ZFP14: variants seen among roughly 807,000 people sequenced by gnomAD.
ZFP14 encodes zinc finger protein 14 homolog.
ZFP14 carries 22 observed loss-of-function variants against 54.5 expected under a neutral mutation model. That is an observed-to-expected ratio of 0.40 (90% CI 0.29 to 0.58). ZFP14 has a LOEUF of 0.58. ZFP14 is among the 20% of genes least tolerant of loss of function. ZFP14 has a pLI of 0.39. For missense variants in ZFP14, 470 were observed against 637.8 expected (o/e 0.74, Z 2.83); for synonymous variants, 159 against 204.0 (o/e 0.78, Z 1.88).
At chr19:36,363,074 C>T (rs557498180) in intron 2 of ZFP14, among the ~76,000 whole-genome samples, 5 of 151,916 alleles carry the variant, frequency 3.3e-5, no homozygotes, top group Non-Finnish European at 5.9e-5. Context: ...TTGCTTGTCA[C>T]TATCTATCAT....
chr19:36,348,295 G>A (rs1429446525), intron 4 of ZFP14, among the ~76,000 whole-genome samples: 1 of 152,108 alleles, frequency 6.6e-6, no homozygotes, highest in Non-Finnish European at 1.5e-5. Context: ...TACTTGGGTC[G>A]ATACTTCTGT....
intron 2 of ZFP14, 93 bp downstream of exon 2, chr19:36,367,791 G>T: frequency 6.9e-7 from 1 of 1,449,526 alleles, no homozygotes; most frequent in Non-Finnish European, 9.4e-7. Context: ...ATGAAGCTCT[G>T]GTAAGCAGGA....
intron 4 of ZFP14, among the ~76,000 whole-genome samples, chr19:36,354,972 C>T (rs765959280): frequency 2.1e-5 from 3 of 142,790 alleles, no homozygotes; most frequent in Non-Finnish European, 3.1e-5. Context: ...GCGCCTGGCC[C>T]TTCTTACTTT....
At chr19:36,375,404 T>A (rs1294833479) in intron 1 of ZFP14, among the ~76,000 whole-genome samples, 1 of 150,492 alleles carries the variant, frequency 6.6e-6, no homozygotes, top group African/African-American at 2.5e-5. Flanking sequence ...TTTTTTTTTT[T>A]TGAGACAAGG....
rs991433226 is a variant in ZFP14 at position 36,335,782 on chromosome 19, T to A, written c.*4442A>T. On this transcript the variant is annotated 3_prime_UTR_variant, in exon 5 of 5. Transcript: ENST00000270001. ...CAGGTTCTCACTCTGTCACCCAGGC[T>A]GGAGTGCAGTGGCGTGATCTTGGTT... 1 of 152,202 alleles carries A rather than the reference T, an allele frequency of 6.6e-6. No homozygotes were observed. The highest frequency in any genetic ancestry group is 2.4e-5 in the African/African-American group (1 of 41,448). 9.4% of individuals were successfully genotyped at this position (152,202 alleles called of 1,614,324 possible). A position where few individuals can be genotyped will look rare whatever the true frequency, so the allele number is the denominator to read the frequency against.
At chr19:36,375,513 G>A (rs546732587) in intron 1 of ZFP14, among the ~76,000 whole-genome samples, 3 of 150,490 alleles carry the variant, frequency 2.0e-5, no homozygotes, top group East Asian at 2.0e-4. Flanking sequence ...TCAGCCTCCC[G>A]AGTAGCTGGG....
At position 36,336,701 on chromosome 19, in the gene ZFP14, T is replaced by G. The variant is rs1327409105; in HGVS notation, c.*3523A>C. ...GACTGTATCCACAAATAAGATTTCC[T>G]TACCACATTACAGGGCATTAATTTG... On this transcript the variant is annotated 3_prime_UTR_variant, in exon 5 of 5. Transcript: ENST00000270001. 4 of 152,228 alleles carry G rather than the reference T, an allele frequency of 2.6e-5. No homozygotes were observed. The highest frequency in any genetic ancestry group is 5.9e-5 in the Non-Finnish European group (4 of 68,036). The allele number at this position is 152,228 out of a possible 1,614,324, so 9.4% of individuals were successfully genotyped here. A position where few individuals can be genotyped will look rare whatever the true frequency, so the allele number is the denominator to read the frequency against.
intron 3 of ZFP14, among the ~76,000 whole-genome samples, chr19:36,361,731 T>C (rs1338009400): frequency 1.3e-5 from 2 of 152,214 alleles, no homozygotes; most frequent in Non-Finnish European, 2.9e-5. Context: ...TGGATCCATC[T>C]CACACTATGT....
At chr19:36,376,472 G>A (rs2031964102) in intron 1 of ZFP14, among the ~76,000 whole-genome samples, 1 of 150,660 alleles carries the variant, frequency 6.6e-6, no homozygotes, top group Non-Finnish European at 1.5e-5. Context: ...TTTGAACCTG[G>A]GGCGGGTGGC....
At chr19:36,356,425 CAAA>C (rs552341004) in intron 4 of ZFP14, among the ~76,000 whole-genome samples, 2 of 117,000 alleles carry the variant, frequency 1.7e-5, no homozygotes, top group Non-Finnish European at 1.8e-5. Flanking sequence ...GAGACTGTCT[CAAA>C]AAAAAAAAAA....
rs550769997 is a variant in ZFP14, at chr19:36,362,096, G to C, written c.136+16C>G. The C allele has an allele frequency of 9.5e-6, 15 of 1,580,216 alleles. No homozygotes were observed. In the South Asian group the frequency reaches 1.5e-4, roughly 16 times the overall value. On this transcript the variant is annotated intron_variant, in intron 3 of 4. Coordinates refer to ENST00000270001, the MANE Select transcript of ZFP14 (RefSeq NM_020917.3). Reference sequence around the variant, plus strand: ...CAGCAGAGAAAGCTAATATCATTTGGGATAAATAACCTTACCTAGTGAAAT... The same window carrying C: ...CAGCAGAGAAAGCTAATATCATTTGCGATAAATAACCTTACCTAGTGAAAT...
rs753205621 is a variant in ZFP14 at position 36,341,108 on chromosome 19, G to A, written c.718C>T (p.Leu240Phe). ...CKECGKAFTVLQELTQHQRLH... is the reference protein window; with the variant it reads ...CKECGKAFTVFQELTQHQRLH... The stretch of plus-strand genomic sequence containing the variant: ...CTCTGATGTTGAGTAAGTTCTTGGA[G>A]CACTGTAAAGGCCTTCCCACACTCC... Residue 240 changes from leucine (L) to phenylalanine (F), a missense_variant, in exon 5 of 5, where the codon CTC becomes TTC. By Grantham distance (22) the Leu-to-Phe change is conservative. Transcript: ENST00000270001. The surrounding 1 kb of genome is among the most constrained non-coding windows in gnomAD (Gnocchi z 4.2). 1 of 1,612,514 alleles carries A rather than the reference G, an allele frequency of 6.2e-7. No individual in the cohort carries two copies. Among genetic ancestry groups the A allele is most frequent in the Admixed American group, 1.7e-5 (1 of 59,898 alleles).
intron 3 of ZFP14, among the ~76,000 whole-genome samples, chr19:36,361,029 T>C (rs1395166914): frequency 2.6e-5 from 4 of 152,234 alleles, no homozygotes; most frequent in Non-Finnish European, 5.9e-5. Flanking sequence ...TATATGGTGA[T>C]GTTTATTAAC....
At chr19:36,356,727 T>C (rs903500637) in intron 4 of ZFP14, among the ~76,000 whole-genome samples, 3 of 143,760 alleles carry the variant, frequency 2.1e-5, no homozygotes, top group African/African-American at 7.6e-5. Context: ...AATAAAGTCA[T>C]GTAGTGCATA....
At chr19:36,353,189 C>T (rs1001564084) in intron 4 of ZFP14, among the ~76,000 whole-genome samples, 4 of 142,198 alleles carry the variant, frequency 2.8e-5, no homozygotes, top group Non-Finnish European at 4.7e-5. Context: ...GCAGTACAAG[C>T]ACAGTAAGGG....
intron 4 of ZFP14, among the ~76,000 whole-genome samples, chr19:36,347,617 C>G (rs1424285373): frequency 3.9e-5 from 2 of 50,734 alleles, no homozygotes; most frequent in African/African-American, 1.2e-4. Context: ...TCAAAAAAAA[C>G]AAAGAAAAGA....
intron 4 of ZFP14, among the ~76,000 whole-genome samples, chr19:36,347,557 C>T (rs951334636): frequency 5.3e-5 from 8 of 151,546 alleles, no homozygotes; most frequent in African/African-American, 1.2e-4. Flanking sequence ...TGCAATGAGC[C>T]GAGATCACGC....
chr19:36,341,643 A>G lies in ZFP14; in HGVS notation c.236-53T>C, dbSNP rs973250262. The G allele has an allele frequency of 4.9e-5, 73 of 1,486,724 alleles. No individual in the cohort carries two copies. The highest frequency in any genetic ancestry group is 6.0e-5 in the Non-Finnish European group (67 of 1,123,582). The allele number at this position is 1,486,724 out of a possible 1,614,324, so 92.1% of individuals were successfully genotyped here. On this transcript the variant is annotated intron_variant, in intron 4 of 4. Coordinates refer to ENST00000270001, the MANE Select transcript of ZFP14 (RefSeq NM_020917.3). The surrounding 1 kb of genome is among the most constrained non-coding windows in gnomAD (Gnocchi z 4.2). ...TACTGTTTTCCTGTTCCAGAAAGAA[A>G]AAACAAACAAACAAAAAAACCACTT...
rs2031270616 is a variant in ZFP14 at position 36,339,585 on chromosome 19, T to C, written c.*639A>G. 1 of 152,270 alleles carries C rather than the reference T, an allele frequency of 6.6e-6. No homozygotes were observed. Among genetic ancestry groups the C allele is most frequent in the African/African-American group, 2.4e-5 (1 of 41,468 alleles). The allele number at this position is 152,270 out of a possible 1,614,324, so 9.4% of individuals were successfully genotyped here. On this transcript the variant is annotated 3_prime_UTR_variant, in exon 5 of 5. Transcript: ENST00000270001. The stretch of plus-strand genomic sequence containing the variant: ...CAAGCAGCCATGTTGATGAGGCTAT[T>C]GTGGCCAGGAGCTGCAGTCAGCGTT...
Sources: allele counts gnomAD v4.1 joint callset (sites outside exome capture counted in the v4.1 genomes callset), GRCh38; gene constraint gnomAD v4.1.1; non-coding constraint Gnocchi (gnomAD v3.1); transcripts MANE v1.5; gene names NCBI Gene and HGNC (gene_info 2026-07-23, HGNC 2026-07-21).